The following ZNF654 variants were observed in gnomAD, a reference collection of about 807,000 sequenced individuals.
ZNF654 encodes zinc finger protein 654, also known as melanoma-associated antigen.
In ZNF654, 19 loss-of-function variants were observed where a neutral mutation model predicts 95.3. The observed-to-expected ratio is 0.20, with a 90% CI of 0.14 to 0.29. ZNF654 has a LOEUF of 0.29. Ranked by LOEUF, ZNF654 falls within the 10% of genes least tolerant of loss-of-function variation. ZNF654 has a pLI of 1.00. For synonymous variants in ZNF654, 413 were observed against 457.9 expected (o/e 0.90, Z 1.25); for missense variants, 1,046 against 1,341.0 (o/e 0.78, Z 3.44).
intron 2 of ZNF654, among the ~76,000 whole-genome samples, chr3:88,104,994 G>T (rs1171301398): frequency 5.9e-5 from 9 of 152,116 alleles, no homozygotes; most frequent in African/African-American, 2.2e-4. Context: ...CCAAAAATTA[G>T]TCAGGTGTGG....
chr3:88,123,011 CAA>C (rs1289535548), intron 3 of ZNF654, among the ~76,000 whole-genome samples: 23 of 76,056 alleles, frequency 3.0e-4, no homozygotes, highest in East Asian at 3.6e-4. Context: ...CTCTGAGTCT[CAA>C]AAAAAAAAAA....
At chr3:88,093,861 G>C (rs1168158880) in intron 2 of ZNF654, among the ~76,000 whole-genome samples, 1 of 152,074 alleles carries the variant, frequency 6.6e-6, no homozygotes, top group Non-Finnish European at 1.5e-5. Flanking sequence ...GTTTTTTGCG[G>C]GGGCTGGGCC....
chr3:88,118,601 T>C (rs914621928), intron 3 of ZNF654, among the ~76,000 whole-genome samples: 1 of 152,170 alleles, frequency 6.6e-6, no homozygotes, highest in African/African-American at 2.4e-5. Flanking sequence ...CTAGAGTACT[T>C]GGAATAAGTT....
chr3:88,130,750 G>A (rs2107842362), intron 6 of ZNF654, among the ~76,000 whole-genome samples: 1 of 151,522 alleles, frequency 6.6e-6, no homozygotes, highest in African/African-American at 2.4e-5. Context: ...GAGCCACTGT[G>A]CCTGGCCCTA....
intron 2 of ZNF654, among the ~76,000 whole-genome samples, chr3:88,093,955 A>G (rs572511538): frequency 6.6e-6 from 1 of 152,298 alleles, no homozygotes; most frequent in South Asian, 2.1e-4. Context: ...GACTCTTTAT[A>G]TTGACGAACA....
intron 2 of ZNF654, among the ~76,000 whole-genome samples, chr3:88,101,435 G>A (rs537621981): frequency 6.8e-4 from 104 of 152,176 alleles, no homozygotes; most frequent in Non-Finnish European, 1.1e-3. Flanking sequence ...ATAGTCTTGC[G>A]AAATAGTCAT....
chr3:88,062,784 A>G (rs1306506242), intron 1 of ZNF654, among the ~76,000 whole-genome samples: 2 of 152,214 alleles, frequency 1.3e-5, no homozygotes, highest in African/African-American at 4.8e-5. Context: ...CGAGGATGTC[A>G]TGAATATAAA....
intron 2 of ZNF654, among the ~76,000 whole-genome samples, chr3:88,086,866 T>A (rs1220235541): frequency 2.6e-5 from 4 of 152,066 alleles, no homozygotes; most frequent in African/African-American, 9.7e-5. Flanking sequence ...CACTGCAAGC[T>A]CCCCCTCCCG....
At chr3:88,127,250 C>T (rs2107826631) in intron 4 of ZNF654, among the ~76,000 whole-genome samples, 1 of 152,152 alleles carries the variant, frequency 6.6e-6, no homozygotes, top group South Asian at 2.1e-4. Flanking sequence ...TTTTGTTGAG[C>T]AGGTTATTTC....
intron 3 of ZNF654, among the ~76,000 whole-genome samples, chr3:88,125,562 T>C (rs1196359545): frequency 6.6e-6 from 1 of 152,184 alleles, no homozygotes; most frequent in Middle Eastern, 3.2e-3. Context: ...TTCTTTAACC[T>C]GTCATTTTTT....
At chr3:88,087,215 C>T (rs1475705063) in intron 2 of ZNF654, among the ~76,000 whole-genome samples, 2 of 151,916 alleles carry the variant, frequency 1.3e-5, no homozygotes, top group Non-Finnish European at 2.9e-5. Context: ...GTACTTGGGA[C>T]CACAGGTGTG....
At chr3:88,132,658 A>G (rs1706534342) in intron 6 of ZNF654, among the ~76,000 whole-genome samples, 1 of 152,204 alleles carries the variant, frequency 6.6e-6, no homozygotes, top group Non-Finnish European at 1.5e-5. Flanking sequence ...TGGCAAACTT[A>G]TTAGGATATT....
chr3:88,065,247 G>A (rs894399781), intron 1 of ZNF654, among the ~76,000 whole-genome samples: 3 of 152,070 alleles, frequency 2.0e-5, no homozygotes, highest in African/African-American at 7.2e-5. Context: ...CTTAGATGTT[G>A]ACGGCTGTAT....
intron 3 of ZNF654, among the ~76,000 whole-genome samples, chr3:88,116,820 T>C (rs925724511): frequency 6.6e-6 from 1 of 152,122 alleles, no homozygotes; most frequent in Non-Finnish European, 1.5e-5. Context: ...TAAACTGTAG[T>C]ACATGTAAAC....
At chr3:88,101,525 C>A (rs1011847498) in intron 2 of ZNF654, among the ~76,000 whole-genome samples, 8 of 152,022 alleles carry the variant, frequency 5.3e-5, no homozygotes, top group Non-Finnish European at 1.5e-5. Context: ...TTATCAGTAG[C>A]TCATTTCTTT....
At position 88,107,164 on chromosome 3, in the gene ZNF654, AACTTATTGAGGTATACACTTTATATACT is replaced by A. The variant is rs2107741152; in HGVS notation, c.333-5950_333-5923del. Among the ~76,000 whole-genome samples, 2 of 152,288 alleles carry A rather than the reference AACTTATTGAGGTATACACTTTATATACT, an allele frequency of 1.3e-5. 1 individual carries two copies. Among genetic ancestry groups the A allele is most frequent in the South Asian group, 4.1e-4 (2 of 4,826 alleles). On this transcript the variant is annotated intron_variant, in intron 2 of 8. Transcript: ENST00000636215. ...ATTAGTTAAGGGGAATTTAGCTCTT[AACTTATTGAGGTATACACTTTATATACT>A]TTATCTTCCTCCAGTAAAATGGCAT...
At chr3:88,083,201 A>T (rs896826495) in intron 1 of ZNF654, among the ~76,000 whole-genome samples, 1 of 152,196 alleles carries the variant, frequency 6.6e-6, no homozygotes, top group Non-Finnish European at 1.5e-5. Context: ...TAGGGCTTCA[A>T]CAAATGAACT....
chr3:88,121,138 AAAAAG>A (rs1363551925), intron 3 of ZNF654, among the ~76,000 whole-genome samples: 1 of 152,154 alleles, frequency 6.6e-6, no homozygotes, highest in Non-Finnish European at 1.5e-5. Context: ...CAAAATAAAA[AAAAAG>A]AAAATTTTCC....
At chr3:88,100,571 C>A (rs907684120) in intron 2 of ZNF654, among the ~76,000 whole-genome samples, 9 of 152,128 alleles carry the variant, frequency 5.9e-5, no homozygotes, top group African/African-American at 2.2e-4. Context: ...AAATGTCCAT[C>A]AATGATAGAC....
Sources: allele counts gnomAD v4.1 joint callset (sites outside exome capture counted in the v4.1 genomes callset), GRCh38; gene constraint gnomAD v4.1.1; transcripts MANE v1.5; gene names NCBI Gene and HGNC (gene_info 2026-07-23, HGNC 2026-07-21).